Variants in CAPN13 observed in about 807,000 individuals in gnomAD.
The protein encoded by CAPN13 is calpain-13.
CAPN13 carries 90 observed loss-of-function variants against 98.4 expected under a neutral mutation model. The observed-to-expected ratio is 0.92, with a 90% CI of 0.77 to 1.09. The LOEUF (loss-of-function observed/expected upper bound fraction) is 1.09, where lower values mean the gene tolerates loss of function less well. Ranked by LOEUF, CAPN13 falls within the 50% of genes least tolerant of loss-of-function variation. The probability of loss-of-function intolerance (pLI) is 0.00; values close to 1 mark genes in which losing one functional copy is unlikely to be tolerated. For missense variants in CAPN13, 887 were observed against 841.3 expected (o/e 1.05, Z -0.67); for synonymous variants, 330 against 305.5 (o/e 1.08, Z -0.84).
At chr2:30,745,657 A>T (rs371398740) in intron 12 of CAPN13, 66 bp downstream of exon 12, 1 of 1,555,976 alleles carries the variant, frequency 6.4e-7, no homozygotes, top group Non-Finnish European at 8.7e-7. Context: ...GGGCGTTGGA[A>T]GTGGCCTAAC....
chr2:30,741,392 T>C (rs1366633372), intron 15 of CAPN13: 4 of 987,496 alleles, frequency 4.1e-6, no homozygotes, highest in South Asian at 9.3e-5. Context: ...AAGAGGCTCA[T>C]TGTGCAGAGC....
In CAPN13 at chr2:30,796,211, T is replaced by TAC. The variant is rs1270706487; in HGVS notation, c.-32-8856_-32-8855dup. Among the ~76,000 whole-genome samples the TAC allele has an allele frequency of 9.4e-3, 1,002 of 106,638 alleles. 19 individuals carry two copies. Among genetic ancestry groups the TAC allele is most frequent in the African/African-American group, 0.031 (930 of 29,548 alleles). The allele number at this position is 106,638 out of a possible 152,430, so 70.0% of individuals were successfully genotyped here. A position where few individuals can be genotyped will look rare whatever the true frequency, so the allele number is the denominator to read the frequency against. On this transcript the variant is annotated intron_variant, in intron 1 of 22. Coordinates refer to ENST00000295055, the MANE Select transcript of CAPN13 (RefSeq NM_144575.3). ...ATATATATGTGTGTGTATATATATATACACATATATATGTATATATATATG... is the reference window on the plus strand; with the variant it reads ...ATATATATGTGTGTGTATATATATATACACACATATATATGTATATATATATG...
At position 30,751,234 on chromosome 2, in the gene CAPN13, C is replaced by G; in HGVS notation, c.1105G>C (p.Ala369Pro). Reference sequence around the variant, plus strand: ...TCTTGCACAGAGAAGTTGAATTGAGCATCATTCCGAGGTCCTCCTGCATCA... The same window carrying G: ...TCTTGCACAGAGAAGTTGAATTGAGGATCATTCCGAGGTCCTCCTGCATCA... Reference protein sequence around the residue: ...GNTAGGPRNDAQFNFSVQEPM... With the variant: ...GNTAGGPRNDPQFNFSVQEPM... Residue 369 changes from alanine (A) to proline (P), a missense_variant, in exon 11 of 23, where the codon GCT becomes CCT. Ala to Pro is a conservative substitution (Grantham distance 27). Coordinates refer to ENST00000295055, the MANE Select transcript of CAPN13 (RefSeq NM_144575.3). 1 of 1,613,860 alleles carries G rather than the reference C, an allele frequency of 6.2e-7. No individual in the cohort carries two copies. The highest frequency in any genetic ancestry group is 8.5e-7 in the Non-Finnish European group (1 of 1,179,834).
intron 2 of CAPN13, among the ~76,000 whole-genome samples, chr2:30,779,286 C>T (rs1338555038): frequency 6.6e-6 from 1 of 152,206 alleles, no homozygotes; most frequent in Non-Finnish European, 1.5e-5. Context: ...AATATTTCTC[C>T]CTGGGTGACC....
chr2:30,789,525 T>C (rs1417511673), intron 1 of CAPN13, among the ~76,000 whole-genome samples: 3 of 152,244 alleles, frequency 2.0e-5, no homozygotes, highest in South Asian at 2.1e-4. Flanking sequence ...AAAGGTCTTA[T>C]ATGCGAGGAT....
chr2:30,791,974 T>C (rs1674629693), intron 1 of CAPN13, among the ~76,000 whole-genome samples: 1 of 152,194 alleles, frequency 6.6e-6, no homozygotes, highest in Admixed American at 6.5e-5. Flanking sequence ...AGGGCATTTA[T>C]TGCCCCGGTT....
intron 2 of CAPN13, among the ~76,000 whole-genome samples, chr2:30,779,648 T>A (rs1380708845): frequency 6.6e-6 from 1 of 152,136 alleles, no homozygotes; most frequent in Non-Finnish European, 1.5e-5. Flanking sequence ...TAGCCTCAGA[T>A]GCATTCATTA....
In CAPN13 at chr2:30,731,397, T is replaced by G. The variant is rs1572778773; in HGVS notation, c.1930A>C (p.Thr644Pro). Residue 644 changes from threonine to proline, a missense_variant and splice_region_variant, in exon 21 of 23, where the codon ACC becomes CCC. Transcript: ENST00000295055. ...CCATCCTTAGAGAGGTTGCGGAAGGTCTCTAGGATAAAGAAGGGAAGGTTT... is the reference window on the plus strand; with the variant it reads ...CCATCCTTAGAGAGGTTGCGGAAGGGCTCTAGGATAAAGAAGGGAAGGTTT... ...FLMRLEAMAK[T>P]FRNLSKDGKG... The G allele has an allele frequency of 6.2e-7, 1 of 1,607,964 alleles. No homozygotes were observed. Among genetic ancestry groups the G allele is most frequent in the Non-Finnish European group, 8.5e-7 (1 of 1,177,208 alleles).
At chr2:30,756,276 C>T (rs562380030) in intron 8 of CAPN13, among the ~76,000 whole-genome samples, 35 of 152,264 alleles carry the variant, frequency 2.3e-4, no homozygotes, top group African/African-American at 8.2e-4. Flanking sequence ...GGCTTGTTGG[C>T]CCGGAACAGA....
chr2:30,742,268 T>G, intron 14 of CAPN13, 58 bp downstream of exon 14: 1 of 1,561,088 alleles, frequency 6.4e-7, no homozygotes, highest in Non-Finnish European at 8.7e-7. Context: ...AGACGGAAGC[T>G]CTTGGGGATG....
intron 7 of CAPN13, among the ~76,000 whole-genome samples, chr2:30,760,461 G>A (rs1672788240): frequency 6.6e-6 from 1 of 152,176 alleles, no homozygotes. Flanking sequence ...AAAGCAGCCT[G>A]CGATTCAAAG....
chr2:30,733,912 A>C (rs977053281), intron 19 of CAPN13, among the ~76,000 whole-genome samples: 2 of 152,226 alleles, frequency 1.3e-5, no homozygotes, highest in Non-Finnish European at 2.9e-5. Context: ...TGAGACAGTC[A>C]AAGGAGATGA....
intron 13 of CAPN13, 64 bp from the exon 14 acceptor site, chr2:30,742,423 TAG>T: frequency 6.5e-7 from 1 of 1,543,750 alleles, no homozygotes; most frequent in African/African-American, 1.4e-5. Context: ...GGCCTGCATA[TAG>T]AGGGCACCCA....
At chr2:30,781,865 A>G (rs1469513888) in intron 2 of CAPN13, among the ~76,000 whole-genome samples, 1 of 152,214 alleles carries the variant, frequency 6.6e-6, no homozygotes, top group East Asian at 1.9e-4. Context: ...GGATATATTT[A>G]TATAAGATAT....
rs573856221 is a variant in CAPN13 at position 30,732,637 on chromosome 2, G to A, written c.1799-71C>T. 133 of 1,542,626 alleles carry A rather than the reference G, an allele frequency of 8.6e-5. 3 individuals are homozygous for A. The Admixed American group carries it at 2.4e-3, about 28-fold the overall frequency. On this transcript the variant is annotated intron_variant, in intron 19 of 22. Transcript: ENST00000295055. ...GGGGTTCCTCTGCCTCTCAGGGTCT[G>A]AGACACCTGTTCAGAGGGCCCGGCC...
intron 5 of CAPN13, among the ~76,000 whole-genome samples, chr2:30,768,674 CT>C (rs1311556074): frequency 6.6e-6 from 1 of 151,316 alleles, no homozygotes; most frequent in East Asian, 1.9e-4. Flanking sequence ...CATGAACTTT[CT>C]TTTTTCCTTC....
intron 7 of CAPN13, among the ~76,000 whole-genome samples, chr2:30,758,960 T>C (rs1672641485): frequency 1.7e-5 from 2 of 120,614 alleles, no homozygotes; most frequent in Admixed American, 8.7e-5. Context: ...CTTCCCTCCT[T>C]CCTTCTGTTT....
intron 7 of CAPN13, among the ~76,000 whole-genome samples, chr2:30,762,595 G>C (rs569417691): frequency 2.0e-5 from 3 of 152,220 alleles, no homozygotes; most frequent in Non-Finnish European, 2.9e-5. Context: ...ATGGATGGAA[G>C]CTCCATGTCG....
intron 20 of CAPN13, 147 bp from the exon 21 acceptor site, chr2:30,731,546 C>G: frequency 4.6e-6 from 3 of 645,356 alleles, no homozygotes; most frequent in Non-Finnish European, 7.8e-6. Flanking sequence ...TGTCACCCAT[C>G]CTTTTCTCTG....
Sources: allele counts gnomAD v4.1 joint callset (sites outside exome capture counted in the v4.1 genomes callset), GRCh38; gene constraint gnomAD v4.1.1; transcripts MANE v1.5; gene names NCBI Gene and HGNC (gene_info 2026-07-23, HGNC 2026-07-21).